Variants in SYK observed in about 807,000 individuals in gnomAD.
The protein encoded by SYK is tyrosine-protein kinase SYK.
A neutral mutation model predicts 77.8 loss-of-function variants in SYK; 16 were observed. That is an observed-to-expected ratio of 0.21 (90% confidence interval 0.14 to 0.31). The LOEUF is 0.31. Ranked by LOEUF, SYK falls within the 10% of genes least tolerant of loss-of-function variation. The probability of loss-of-function intolerance (pLI) is 1.00; values close to 1 mark genes in which losing one functional copy is unlikely to be tolerated. For synonymous variants in SYK, 312 were observed against 308.7 expected, an observed-to-expected ratio of 1.01 and a Z score of -0.11; for missense variants, 529 against 814.4, an observed-to-expected ratio of 0.65 and a Z score of 4.26.
intron 11 of SYK, among the ~76,000 whole-genome samples, chr9:90,882,002 G>A (rs982603609): frequency 1.8e-4 from 27 of 152,226 alleles, no homozygotes; most frequent in African/African-American, 6.5e-4. Context: ...TTATTTGCAT[G>A]TGCTGACCTA....
At chr9:90,841,367 G>A (rs1403638365) in intron 1 of SYK, among the ~76,000 whole-genome samples, 1 of 136,226 alleles carries the variant, frequency 7.3e-6, no homozygotes, top group African/African-American at 3.0e-5. Context: ...ACTGTGTGTA[G>A]TATGTGTGCA....
Position 90,874,804 on chromosome 9 carries a change from C to G in SYK, c.1136C>G (p.Ser379Cys). The G allele has an allele frequency of 6.2e-7, 1 of 1,614,028 alleles. No individual in the cohort carries two copies. The highest frequency in any genetic ancestry group is 8.5e-7 in the Non-Finnish European group (1 of 1,179,998). Residue 379 changes from serine to cysteine, a missense_variant, in exon 9 of 14, where the codon TCT becomes TGT. This residue lies in a region of SYK where 208 missense variants were observed against 381.3 expected (regional missense o/e 0.55). Coordinates refer to ENST00000375754, the MANE Select transcript of SYK (RefSeq NM_003177.7). ...LLTLEDKELG[S>C]GNFGTVKKGY... ...ACGCTGGAAGACAAAGAACTGGGCT[C>G]TGGTAATTTTGGAACTGTGAAAAAG...
At chr9:90,881,536 C>G (rs1330700664) in intron 11 of SYK, among the ~76,000 whole-genome samples, 1 of 151,918 alleles carries the variant, frequency 6.6e-6, no homozygotes, top group East Asian at 1.9e-4. Flanking sequence ...AAAAATTAGC[C>G]AGGCATGGTG....
At chr9:90,811,614 T>G (rs1825073245) in intron 1 of SYK, among the ~76,000 whole-genome samples, 2 of 152,192 alleles carry the variant, frequency 1.3e-5, no homozygotes, top group Admixed American at 6.5e-5. Context: ...TATCATTGTA[T>G]TTGTTTAAAA....
At chr9:90,818,201 G>T (rs1451407014) in intron 1 of SYK, among the ~76,000 whole-genome samples, 1 of 152,184 alleles carries the variant, frequency 6.6e-6, no homozygotes, top group Non-Finnish European at 1.5e-5. Context: ...TTGTTGCAGG[G>T]TCATTTCAGA....
intron 7 of SYK, among the ~76,000 whole-genome samples, chr9:90,872,287 G>A (rs1266763543): frequency 6.6e-6 from 1 of 152,198 alleles, no homozygotes; most frequent in Non-Finnish European, 1.5e-5. Flanking sequence ...TCAAGAAGAG[G>A]TGATGGTCCC....
intron 3 of SYK, among the ~76,000 whole-genome samples, chr9:90,850,031 C>T (rs1826756212): frequency 6.6e-6 from 1 of 152,224 alleles, no homozygotes; most frequent in Non-Finnish European, 1.5e-5. Flanking sequence ...GTACCATGAC[C>T]TCTGCAGGTG....
At chr9:90,847,381 T>C (rs116411539) in intron 3 of SYK, among the ~76,000 whole-genome samples, 4,238 of 152,350 alleles carry the variant, frequency 0.028, 189 homozygotes, top group African/African-American at 0.096. Context: ...CTCTCCTTAG[T>C]TGTCTTCTTC....
intron 11 of SYK, 58 bp downstream of exon 11, chr9:90,879,011 G>A (rs1828048803): frequency 6.2e-6 from 8 of 1,293,934 alleles, no homozygotes; most frequent in Non-Finnish European, 8.6e-6. Flanking sequence ...CAAGATAAAT[G>A]TACGTTTTCT....
chr9:90,827,014 G>A (rs113902336), intron 1 of SYK, among the ~76,000 whole-genome samples: 18 of 151,944 alleles, frequency 1.2e-4, no homozygotes, highest in African/African-American at 4.1e-4. Flanking sequence ...TCTCCATTAA[G>A]ATCTTTTCAA....
At chr9:90,852,380 A>T (rs1485492721) in intron 3 of SYK, among the ~76,000 whole-genome samples, 1 of 152,192 alleles carries the variant, frequency 6.6e-6, no homozygotes, top group Non-Finnish European at 1.5e-5. Context: ...AATGTGGTTT[A>T]TTGCCATTGT....
intron 6 of SYK, among the ~76,000 whole-genome samples, chr9:90,866,024 G>T (rs967752692): frequency 2.0e-5 from 3 of 149,686 alleles, no homozygotes; most frequent in African/African-American, 7.4e-5. Context: ...TCAGCCTCGC[G>T]AGTAGCTGGG....
In SYK at chr9:90,884,814, CACATATACACATATGTGTGTATAT is replaced by C. The variant is rs1181613941; in HGVS notation, c.1582-2923_1582-2900del. Among the ~76,000 whole-genome samples, 33 of 72,616 alleles carry C rather than the reference CACATATACACATATGTGTGTATAT, an allele frequency of 4.5e-4. 13 individuals carry two copies. The highest frequency in any genetic ancestry group is 5.8e-4 in the Non-Finnish European group (22 of 37,712). The allele number at this position is 72,616 out of a possible 152,430, so 47.6% of individuals were successfully genotyped here. ...GCACATATACACATATGTGTACATA[CACATATACACATATGTGTGTATAT>C]ACATATACACACATATGTGTGTATA... On this transcript the variant is annotated intron_variant, in intron 11 of 13. Transcript: ENST00000375754.
In SYK at chr9:90,850,783, A is replaced by G. The variant is rs1402681910; in HGVS notation, c.578+5189A>G. ...TGGACTAAAAGGTAAAAAAAAAAAA[A>G]AAAGAATTCCTGAAATGCATGCACC... On this transcript the variant is annotated intron_variant, in intron 3 of 13. Coordinates refer to ENST00000375754, the MANE Select transcript of SYK (RefSeq NM_003177.7). Among the ~76,000 whole-genome samples the G allele has an allele frequency of 2.6e-5, 4 of 151,912 alleles. No individual in the cohort carries two copies. The East Asian group carries it at 7.7e-4, about 29-fold the overall frequency.
At chr9:90,858,452 G>C (rs1026356749) in intron 3 of SYK, among the ~76,000 whole-genome samples, 3 of 152,212 alleles carry the variant, frequency 2.0e-5, no homozygotes, top group Non-Finnish European at 4.4e-5. Flanking sequence ...ATATTCAAAG[G>C]CTTCTGTGAA....
chr9:90,820,638 C>T (rs1299640601), intron 1 of SYK, among the ~76,000 whole-genome samples: 3 of 151,854 alleles, frequency 2.0e-5, no homozygotes, highest in Admixed American at 6.5e-5. Context: ...GCCCAGGCCA[C>T]GAAACCACTT....
intron 1 of SYK, among the ~76,000 whole-genome samples, chr9:90,812,223 G>A (rs1411428643): frequency 6.6e-6 from 1 of 152,164 alleles, no homozygotes; most frequent in Admixed American, 6.5e-5. Context: ...GATCAGGAGT[G>A]TGTACTTTTT....
chr9:90,807,394 G>A (rs1420748221), intron 1 of SYK, among the ~76,000 whole-genome samples: 5 of 152,174 alleles, frequency 3.3e-5, no homozygotes, highest in African/African-American at 9.7e-5. Context: ...TTGTAGCTAC[G>A]GGTTGAGAGT....
chr9:90,843,964 G>A lies in SYK; in HGVS notation c.66G>A (p.Arg22=), dbSNP rs139401525. The change falls in exon 2 of 14, where the codon CGG becomes CGA. Residue 22 remains arginine (R), a synonymous_variant. Transcript: ENST00000375754. ...HLPFFFGNIT[R]EEAEDYLVQG... ...CCTTCTTTTTCGGCAACATCACCCG[G>A]GAGGAGGCAGAAGATTACCTGGTCC... is the stretch of plus-strand genomic sequence containing the variant. The A allele has an allele frequency of 7.1e-5, 114 of 1,594,422 alleles. No individual in the cohort carries two copies. The African/African-American group carries it at 1.2e-3, about 17-fold the overall frequency.
Sources: allele counts gnomAD v4.1 joint callset (sites outside exome capture counted in the v4.1 genomes callset), GRCh38; gene constraint gnomAD v4.1.1; regional missense constraint gnomAD v4.1.1; transcripts MANE v1.5; gene names NCBI Gene and HGNC (gene_info 2026-07-23, HGNC 2026-07-21).